Variants in AOPEP observed in about 807,000 individuals in gnomAD.
AOPEP encodes aminopeptidase O (putative).
AOPEP carries 77 observed loss-of-function variants against 98.1 expected under a neutral mutation model. The ratio of observed to expected loss-of-function variants is 0.78; its 90% CI spans 0.65 to 0.95. The LOEUF (loss-of-function observed/expected upper bound fraction) is 0.95, where lower values mean the gene tolerates loss of function less well. AOPEP is among the 40% of genes least tolerant of loss of function. The probability of loss-of-function intolerance (pLI) is 0.00; values close to 1 mark genes in which losing one functional copy is unlikely to be tolerated. For missense variants in AOPEP, 1,024 were observed against 1,024.7 expected (o/e 1.00, Z 0.01); for synonymous variants, 346 against 365.3 (o/e 0.95, Z 0.60).
intron 13 of AOPEP, among the ~76,000 whole-genome samples, chr9:95,009,826 G>C (rs961199034): frequency 6.6e-6 from 1 of 151,280 alleles, no homozygotes; most frequent in Non-Finnish European, 1.5e-5. Context: ...TGTATTCAAA[G>C]TGAAACATAA....
chr9:95,096,152 T>C, the AOPEP span, among the ~76,000 whole-genome samples: 1 of 152,094 alleles, frequency 6.6e-6, no homozygotes, highest in South Asian at 2.1e-4. Flanking sequence ...GCTGGGGAGC[T>C]TATTCTGTAA....
chr9:94,868,383 T>C (rs2045943742), intron 5 of AOPEP, among the ~76,000 whole-genome samples: 1 of 152,184 alleles, frequency 6.6e-6, no homozygotes, highest in Non-Finnish European at 1.5e-5. Flanking sequence ...ACATCTATTT[T>C]CTTCAATTTT....
chr9:95,148,127 C>A, the AOPEP span, among the ~76,000 whole-genome samples: 1 of 152,186 alleles, frequency 6.6e-6, no homozygotes, highest in Non-Finnish European at 1.5e-5. Flanking sequence ...AGTCGAAACA[C>A]TGCATTTTCA....
chr9:94,849,210 T>A (rs2043227744), intron 5 of AOPEP, among the ~76,000 whole-genome samples: 1 of 152,194 alleles, frequency 6.6e-6, no homozygotes, highest in Admixed American at 6.5e-5. Flanking sequence ...TAACATGAAA[T>A]TCTGGAAAAG....
At chr9:94,927,092 C>G (rs116573545) in intron 6 of AOPEP, among the ~76,000 whole-genome samples, 3,108 of 152,228 alleles carry the variant, frequency 0.02, 116 homozygotes, top group African/African-American at 0.071. Flanking sequence ...TCTGGTGAGG[C>G]CCCTCACTCT....
chr9:94,760,130 A>G lies in AOPEP; in HGVS notation c.347A>G (p.His116Arg), dbSNP rs1837920795. The change falls in exon 2 of 17, where the codon CAT becomes CGT. Residue 116 changes from histidine to arginine, a missense_variant. By Grantham distance (29) the His-to-Arg change is conservative. Transcript: ENST00000375315. ...GATACTTCTGATAAAGATGGTAACC[A>G]TGACAACCAGGAACATGCTTCTGGG... ...EKDTSDKDGN[H>R]DNQEHASGIS... The G allele has an allele frequency of 1.4e-5, 22 of 1,614,128 alleles. No individual in the cohort carries two copies. Among genetic ancestry groups the G allele is most frequent in the Non-Finnish European group, 1.8e-5 (21 of 1,180,046 alleles).
At chr9:94,742,315 C>T (rs1265217745) in intron 1 of AOPEP, among the ~76,000 whole-genome samples, 2 of 152,134 alleles carry the variant, frequency 1.3e-5, no homozygotes. Context: ...CCCTCAAGGC[C>T]TCTAGAGCTG....
At chr9:95,005,438 G>A in intron 12 of AOPEP, 104 bp from the exon 13 acceptor site, 1 of 1,194,976 alleles carries the variant, frequency 8.4e-7, no homozygotes, top group Admixed American at 1.7e-5. Context: ...CGAGGTGCGG[G>A]GAAGACCAGG....
Position 94,933,231 on chromosome 9 carries a change from A to G in AOPEP, c.1661+4700A>G, listed in dbSNP as rs951879755. 5 of 985,410 alleles carry G rather than the reference A, an allele frequency of 5.1e-6. No homozygotes were observed. The African/African-American group carries it at 8.7e-5, about 17-fold the overall frequency. The allele number at this position is 985,410 out of a possible 1,614,324, so 61.0% of individuals were successfully genotyped here. On this transcript the variant is annotated intron_variant, in intron 7 of 16. Transcript: ENST00000375315. ...GCCTGAGATGCATGGCAGCTTCCGA[A>G]AGGCTCGCCATGCCTCCTGTCTCCA...
rs777304173 is a variant in AOPEP at position 94,800,967 on chromosome 9, C to G, written c.1329C>G (p.Ile443Met). 1 of 1,614,214 alleles carries G rather than the reference C, an allele frequency of 6.2e-7. No homozygotes were observed. The highest frequency in any genetic ancestry group is 8.5e-7 in the Non-Finnish European group (1 of 1,180,034). ...CGTTCTCTCGGCTGGATGTTCTCAT[C>G]GTCCCTGCCAACTTTCCAAGTCTGG... ...AHPFSRLDVLIVPANFPSLGM... is the reference protein window; with the variant it reads ...AHPFSRLDVLMVPANFPSLGM... The change falls in exon 5 of 17, where the codon ATC becomes ATG. Residue 443 changes from isoleucine (I) to methionine (M), a missense_variant. Around this residue, in one of 3 missense-constraint regions of AOPEP, gnomAD observed 566 missense variants for 551.7 expected, o/e 1.03. Coordinates refer to ENST00000375315, the MANE Select transcript of AOPEP (RefSeq NM_001193329.3).
chr9:94,975,038 T>C (rs1026936108), intron 10 of AOPEP, among the ~76,000 whole-genome samples: 3 of 152,122 alleles, frequency 2.0e-5, no homozygotes, highest in East Asian at 3.9e-4. Context: ...AAGACCAGTT[T>C]GGGCAATATA....
intron 5 of AOPEP, among the ~76,000 whole-genome samples, chr9:94,872,778 A>G (rs564871847): frequency 2.6e-5 from 4 of 152,364 alleles, no homozygotes; most frequent in Admixed American, 2.6e-4. Context: ...TCATTTGGAA[A>G]GAAAAGACGT....
chr9:95,124,568 T>A, the AOPEP span, among the ~76,000 whole-genome samples: 15 of 152,300 alleles, frequency 9.8e-5, no homozygotes, highest in African/African-American at 2.9e-4. Context: ...CCCTTCTAGT[T>A]AGTCAAGCCT....
rs73526542 is a variant in AOPEP, at chr9:95,057,883, T to C, written c.2116-2811T>C. Among the ~76,000 whole-genome samples, 741 of 152,298 alleles carry C rather than the reference T, an allele frequency of 4.9e-3. 6 individuals carry two copies. The highest frequency in any genetic ancestry group is 0.017 in the African/African-American group (691 of 41,554). On this transcript the variant is annotated intron_variant, in intron 13 of 16. Transcript: ENST00000375315. ...CATGAAGCTGGCTCTGGCAGCACTG[T>C]GGTCGGGGGCCTTGTTTTAGGGGGA...
chr9:94,884,813 C>G (rs1349349119), intron 5 of AOPEP, among the ~76,000 whole-genome samples: 1 of 146,836 alleles, frequency 6.8e-6, no homozygotes, highest in African/African-American at 2.6e-5. Context: ...AGATCGAGAC[C>G]ATCCTGGCCA....
At chr9:94,756,669 C>T (rs1296460594) in intron 1 of AOPEP, among the ~76,000 whole-genome samples, 1 of 152,122 alleles carries the variant, frequency 6.6e-6, no homozygotes, top group Non-Finnish European at 1.5e-5. Context: ...GTCAGTGTAA[C>T]ACTCCTGGTG....
intron 1 of AOPEP, among the ~76,000 whole-genome samples, chr9:94,744,341 C>T (rs1233614978): frequency 3.3e-5 from 5 of 151,852 alleles, no homozygotes; most frequent in East Asian, 2.0e-4. Context: ...GGCAGTGAGC[C>T]GAGATCGTGC....
intron 4 of AOPEP, among the ~76,000 whole-genome samples, chr9:94,799,104 T>C (rs1439203833): frequency 6.6e-6 from 1 of 152,264 alleles, no homozygotes; most frequent in Non-Finnish European, 1.5e-5. Context: ...GTGAGGCTTA[T>C]CTGTACCTAG....
At chr9:95,056,277 C>T (rs1405703088) in intron 13 of AOPEP, 5 of 152,344 alleles carry the variant, frequency 3.3e-5, no homozygotes, top group Non-Finnish European at 5.9e-5. Context: ...TGACTTTCTT[C>T]GTGTGAGGCT....
Sources: allele counts gnomAD v4.1 joint callset (sites outside exome capture counted in the v4.1 genomes callset), GRCh38; gene constraint gnomAD v4.1.1; regional missense constraint gnomAD v4.1.1; transcripts MANE v1.5; gene names NCBI Gene and HGNC (gene_info 2026-07-23, HGNC 2026-07-21).